The following NSG2 variants were observed in gnomAD, a reference collection of about 807,000 sequenced individuals.
NSG2 encodes neuronal vesicle trafficking-associated protein 2.
Under a neutral mutation model 16.9 loss-of-function variants are expected in NSG2, and 4 were observed. That is an observed-to-expected ratio of 0.24 (90% CI 0.12 to 0.54). The LOEUF (loss-of-function observed/expected upper bound fraction) is 0.54, where lower values mean the gene tolerates loss of function less well. NSG2 is among the 20% of genes least tolerant of loss of function. NSG2 has a pLI of 0.95. For synonymous variants in NSG2, 98 were observed against 88.7 expected (o/e 1.11, Z -0.59); for missense variants, 179 against 221.1 (o/e 0.81, Z 1.21).
At position 174,107,047 on chromosome 5, in the gene NSG2, C is replaced by T. The variant is rs755636550; in HGVS notation, c.325-267C>T. Reference sequence around the variant, plus strand: ...GGGTCTCTACAGCATCCACTACAGCCGGACAGTCAGTATGCAGAGAAGGCT... The same window carrying T: ...GGGTCTCTACAGCATCCACTACAGCTGGACAGTCAGTATGCAGAGAAGGCT... On this transcript the variant is annotated intron_variant, in intron 4 of 4. Coordinates refer to ENST00000303177, the MANE Select transcript of NSG2 (RefSeq NM_015980.5). This position sits in a 1 kb window ranked among gnomAD's most constrained non-coding sequence, Gnocchi z 4.5. Among the ~76,000 whole-genome samples the T allele has an allele frequency of 2.6e-5, 4 of 152,118 alleles. No homozygotes were observed. Among genetic ancestry groups the T allele is most frequent in the African/African-American group, 7.2e-5 (3 of 41,426 alleles).
At chr5:174,050,075 AT>A (rs1204212042) in intron 2 of NSG2, among the ~76,000 whole-genome samples, 1 of 152,044 alleles carries the variant, frequency 6.6e-6, no homozygotes, top group African/African-American at 2.4e-5. Flanking sequence ...GGGGACGCTA[AT>A]TTTGGGACTC....
chr5:174,106,786 G>A (rs1323161329), intron 4 of NSG2, among the ~76,000 whole-genome samples: 1 of 151,580 alleles, frequency 6.6e-6, no homozygotes. Flanking sequence ...GTAGAGATGG[G>A]GTTTCACTCT....
intron 4 of NSG2, among the ~76,000 whole-genome samples, chr5:174,105,030 A>G (rs6893606): frequency 7.9e-6 from 1 of 126,290 alleles, no homozygotes; most frequent in Admixed American, 7.5e-5. Context: ...ACAGCTGATA[A>G]TATTTATAAT....
intron 3 of NSG2, among the ~76,000 whole-genome samples, chr5:174,103,831 G>A (rs1011720653): frequency 4.6e-5 from 7 of 152,106 alleles, no homozygotes; most frequent in Admixed American, 4.6e-4. Flanking sequence ...AGGTGTGGTG[G>A]TGGGTACCTG....
rs771749284 is a variant in NSG2 at position 174,104,205 on chromosome 5, G to T, written c.214-23G>T. 38 of 1,576,318 alleles carry T rather than the reference G, an allele frequency of 2.4e-5. No homozygotes were observed. The East Asian group carries it at 8.3e-4, about 34-fold the overall frequency. ...GAAGGTGGGCAGACTGAGGCTGGAT[G>T]ACTTAATTTTGTATTCCTCCAGGTC... On this transcript the variant is annotated intron_variant, in intron 3 of 4. Coordinates refer to ENST00000303177, the MANE Select transcript of NSG2 (RefSeq NM_015980.5).
intron 3 of NSG2, among the ~76,000 whole-genome samples, chr5:174,089,866 C>T (rs1433549615): frequency 2.6e-5 from 4 of 152,114 alleles, no homozygotes; most frequent in Non-Finnish European, 5.9e-5. Context: ...AGTAATACTC[C>T]TGCCTCGACC....
chr5:174,084,192 C>A (rs916142420), intron 3 of NSG2: 1 of 152,124 alleles, frequency 6.6e-6, no homozygotes, highest in Non-Finnish European at 1.5e-5. Context: ...TTATACTGAT[C>A]ACAATATTGT....
chr5:174,083,341 A>G (rs1020455125), intron 3 of NSG2, among the ~76,000 whole-genome samples: 4 of 152,198 alleles, frequency 2.6e-5, no homozygotes, highest in African/African-American at 9.7e-5. Flanking sequence ...CATTTTCTCC[A>G]TTTTAGTTCT....
chr5:174,062,646 G>A (rs778909973), intron 2 of NSG2: 11 of 152,200 alleles, frequency 7.2e-5, no homozygotes, highest in East Asian at 1.9e-4. Flanking sequence ...GGTTCTAGAG[G>A]TAAGAGAGGG....
intron 2 of NSG2, among the ~76,000 whole-genome samples, chr5:174,051,257 C>CAAGT (rs1759884434): frequency 6.6e-6 from 1 of 152,024 alleles, no homozygotes; most frequent in African/African-American, 2.4e-5. Flanking sequence ...CAGTCCTGCC[C>CAAGT]CTGGGTAGAA....
At chr5:174,081,844 G>A (rs1171191051) in intron 3 of NSG2, among the ~76,000 whole-genome samples, 1 of 143,646 alleles carries the variant, frequency 7.0e-6, no homozygotes, top group Non-Finnish European at 1.5e-5. Flanking sequence ...GAGCCAAGAT[G>A]GCACCACTGC....
chr5:174,081,033 GTTT>G (rs1228714665), intron 3 of NSG2, among the ~76,000 whole-genome samples: 1 of 150,140 alleles, frequency 6.7e-6, no homozygotes, highest in Non-Finnish European at 1.5e-5. Flanking sequence ...TTCTTTTGTT[GTTT>G]TTTAACTGGG....
At chr5:174,054,690 A>T (rs925398851) in intron 2 of NSG2, among the ~76,000 whole-genome samples, 1 of 152,162 alleles carries the variant, frequency 6.6e-6, no homozygotes, top group South Asian at 2.1e-4. Context: ...CAGATTTTCT[A>T]TTAAAAAAAA....
At chr5:174,057,320 C>T (rs1759980873) in intron 2 of NSG2, among the ~76,000 whole-genome samples, 1 of 152,154 alleles carries the variant, frequency 6.6e-6, no homozygotes, top group South Asian at 2.1e-4. Context: ...TTATTTTTCT[C>T]CTGTCTTGTT....
intron 3 of NSG2, among the ~76,000 whole-genome samples, chr5:174,069,874 AT>A (rs1374503826): frequency 0.037 from 4,154 of 113,250 alleles, 76 homozygotes; most frequent in East Asian, 0.1. Context: ...AAGGTAGGCC[AT>A]TTTTTTTTTT....
intron 3 of NSG2, among the ~76,000 whole-genome samples, chr5:174,076,818 GCTAAACAC>G (rs1760351329): frequency 6.6e-6 from 1 of 152,152 alleles, no homozygotes; most frequent in Non-Finnish European, 1.5e-5. Flanking sequence ...CAGAGATGCA[GCTAAACAC>G]CCTATGATAC....
At position 174,107,558 on chromosome 5, in the gene NSG2, G is replaced by A; in HGVS notation, c.*53G>A. 1 of 1,368,066 alleles carries A rather than the reference G, an allele frequency of 7.3e-7. No homozygotes were observed. The highest frequency in any genetic ancestry group is 9.8e-7 in the Non-Finnish European group (1 of 1,018,316). 84.7% of individuals were successfully genotyped at this position (1,368,066 alleles called of 1,614,324 possible). A position where few individuals can be genotyped will look rare whatever the true frequency, so the allele number is the denominator to read the frequency against. ...GGGGTGGAGAGGAGGACCCCCATTG[G>A]CTAAGCCAAGCTCCAGTTACAAGAC... On this transcript the variant is annotated 3_prime_UTR_variant, in exon 5 of 5. Coordinates refer to ENST00000303177, the MANE Select transcript of NSG2 (RefSeq NM_015980.5). The surrounding 1 kb of genome is among the most constrained non-coding windows in gnomAD (Gnocchi z 4.5).
intron 3 of NSG2, among the ~76,000 whole-genome samples, chr5:174,096,561 G>C (rs1186639126): frequency 6.6e-6 from 1 of 152,196 alleles, no homozygotes; most frequent in Non-Finnish European, 1.5e-5. Flanking sequence ...TCCTGTAGGT[G>C]TGGTGGCTCG....
rs573208500 is a variant in NSG2, at chr5:174,092,950, C to T, written c.214-11278C>T. Among the ~76,000 whole-genome samples the T allele has an allele frequency of 1.6e-3, 238 of 152,234 alleles. 1 individual carries two copies. The highest frequency in any genetic ancestry group is 5.4e-3 in the African/African-American group (223 of 41,534). On this transcript the variant is annotated intron_variant, in intron 3 of 4. Transcript: ENST00000303177. ...GTAAAAACATATGGGGGATTGATGG[C>T]AGGATTGTAATAAGTGTTTTTCCTT...
Sources: gnomAD v4.1 joint callset for allele counts (sites outside exome capture counted in the v4.1 genomes callset) on GRCh38, gnomAD v4.1.1 for gene constraint, Gnocchi (gnomAD v3.1) non-coding constraint, MANE v1.5 for transcripts, NCBI Gene and HGNC (gene_info 2026-07-23, HGNC 2026-07-21) for gene names.